DPP10: variants seen among roughly 807,000 people sequenced by gnomAD.
DPP10 encodes inactive dipeptidyl peptidase 10.
DPP10 carries 33 observed loss-of-function variants against 120.9 expected under a neutral mutation model. That is an observed-to-expected ratio of 0.27 (90% confidence interval 0.21 to 0.37). DPP10 has a LOEUF of 0.37. DPP10 is among the 10% of genes least tolerant of loss of function. The probability of loss-of-function intolerance (pLI) is 1.00; values close to 1 mark genes in which losing one functional copy is unlikely to be tolerated. For missense variants in DPP10, 816 were observed against 942.8 expected, an observed-to-expected ratio of 0.87 and a Z score of 1.76; for synonymous variants, 337 against 326.1, an observed-to-expected ratio of 1.03 and a Z score of -0.36.
At chr2:114,673,739 T>C (rs2105655156) in intron 1 of DPP10, among the ~76,000 whole-genome samples, 1 of 152,274 alleles carries the variant, frequency 6.6e-6, no homozygotes, top group South Asian at 2.1e-4. Context: ...TCATTACCTT[T>C]TTCTAAGTGT....
chr2:114,458,900 T>C (rs17048377), intron 1 of DPP10, among the ~76,000 whole-genome samples: 19,354 of 152,144 alleles, frequency 0.13, 2,947 homozygotes, highest in African/African-American at 0.37. Flanking sequence ...TATTGGGAAA[T>C]GTGTTATAAT....
chr2:114,609,440 G>A (rs1328883843), intron 1 of DPP10, among the ~76,000 whole-genome samples: 1 of 152,142 alleles, frequency 6.6e-6, no homozygotes, highest in Non-Finnish European at 1.5e-5. Flanking sequence ...GATGGGAGGT[G>A]AGAAGCAGGG....
At chr2:115,793,528 A>G (rs1684219129) in intron 19 of DPP10, among the ~76,000 whole-genome samples, 1 of 152,040 alleles carries the variant, frequency 6.6e-6, no homozygotes, top group African/African-American at 2.4e-5. Flanking sequence ...CCAACCTAAT[A>G]TGGATAATAG....
chr2:115,465,738 C>T (rs1370402599), intron 3 of DPP10, among the ~76,000 whole-genome samples: 1 of 152,168 alleles, frequency 6.6e-6, no homozygotes, highest in Non-Finnish European at 1.5e-5. Flanking sequence ...AGGAGAATCA[C>T]TTGAACCCAT....
intron 1 of DPP10, among the ~76,000 whole-genome samples, chr2:115,108,602 T>G (rs1272481143): frequency 6.6e-6 from 1 of 152,168 alleles, no homozygotes; most frequent in Non-Finnish European, 1.5e-5. Context: ...AAAACCTGTG[T>G]GGGGATCTAG....
At chr2:115,836,635 T>G in intron 23 of DPP10, 39 bp from the exon 24 acceptor site, 1 of 1,609,560 alleles carries the variant, frequency 6.2e-7, no homozygotes. Flanking sequence ...ATGGCTTATT[T>G]AGATCTATAG....
intron 1 of DPP10, among the ~76,000 whole-genome samples, chr2:114,983,316 T>G (rs1410411563): frequency 6.6e-6 from 1 of 152,218 alleles, no homozygotes; most frequent in Non-Finnish European, 1.5e-5. Flanking sequence ...TGTTTTATAA[T>G]TAAATGCCAT....
At chr2:114,897,469 AT>A (rs1693122760) in intron 1 of DPP10, among the ~76,000 whole-genome samples, 1 of 152,232 alleles carries the variant, frequency 6.6e-6, no homozygotes, top group African/African-American at 2.4e-5. Context: ...ACCAAAAGCA[AT>A]GGCAACAAAA....
Position 114,663,668 on chromosome 2 carries a change from T to TATATAGAGAGAGAGAGAGAGAG in DPP10, c.60+220831_60+220832insTATAGAGAGAGAGAGAGAGAGA. Reference sequence around the variant, plus strand: ...ATATATATATATATATATATATATATAGAGAGAGAGAGAGAGAGAGAGAGA... The same window carrying TATATAGAGAGAGAGAGAGAGAG: ...ATATATATATATATATATATATATATATATAGAGAGAGAGAGAGAGAGAGAGAGAGAGAGAGAGAGAGAGAGA... On this transcript the variant is annotated intron_variant, in intron 1 of 25. Transcript: ENST00000410059. 1.2e-3 allele frequency among the ~76,000 whole-genome samples: 98 copies of TATATAGAGAGAGAGAGAGAGAG among 80,676 alleles called. 1 individual carries two copies. The highest frequency in any genetic ancestry group is 5.8e-3 in the African/African-American group (62 of 10,618). 52.9% of individuals were successfully genotyped at this position (80,676 alleles called of 152,430 possible).
intron 1 of DPP10, among the ~76,000 whole-genome samples, chr2:115,050,755 C>G (rs1408849666): frequency 6.6e-6 from 1 of 152,138 alleles, no homozygotes; most frequent in Admixed American, 6.5e-5. Context: ...TCTGCGCTGG[C>G]AAGAAGTGAA....
chr2:115,622,112 C>A (rs2084995223), intron 5 of DPP10, among the ~76,000 whole-genome samples: 1 of 152,104 alleles, frequency 6.6e-6, no homozygotes, highest in Non-Finnish European at 1.5e-5. Flanking sequence ...TGTTATAGAA[C>A]ATTTTAACCA....
At chr2:115,268,248 G>A (rs2059542680) in intron 1 of DPP10, among the ~76,000 whole-genome samples, 1 of 152,112 alleles carries the variant, frequency 6.6e-6, no homozygotes, top group Non-Finnish European at 1.5e-5. Context: ...CACCAGAATA[G>A]GTGGGCAGTA....
At chr2:115,095,584 TG>T (rs67203998) in intron 1 of DPP10, among the ~76,000 whole-genome samples, 27,992 of 119,186 alleles carry the variant, frequency 0.23, 3,215 homozygotes, top group East Asian at 0.39. Context: ...GTTTTTTTTT[TG>T]TTTTTTTTTT....
At chr2:115,811,830 A>G (rs140482553) in intron 19 of DPP10, among the ~76,000 whole-genome samples, 182 of 152,318 alleles carry the variant, frequency 1.2e-3, no homozygotes, top group African/African-American at 4.1e-3. Flanking sequence ...TTACATAGCA[A>G]TTATGCTTTA....
chr2:115,090,459 G>C (rs921921280), intron 1 of DPP10, among the ~76,000 whole-genome samples: 2 of 152,092 alleles, frequency 1.3e-5, no homozygotes, highest in African/African-American at 2.4e-5. Flanking sequence ...ATTTGGGGAG[G>C]GGGGTGAGGG....
chr2:115,564,056 G>C (rs961019928), intron 5 of DPP10, among the ~76,000 whole-genome samples: 33 of 152,040 alleles, frequency 2.2e-4, no homozygotes, highest in South Asian at 2.1e-4. Context: ...CTCTCTCTCT[G>C]TGCCCCCTTC....
chr2:114,822,614 T>C (rs1357905799), intron 1 of DPP10, among the ~76,000 whole-genome samples: 1 of 152,140 alleles, frequency 6.6e-6, no homozygotes, highest in Non-Finnish European at 1.5e-5. Flanking sequence ...TTCCAAACTT[T>C]TTTTTTTTTA....
chr2:114,705,293 A>G lies in DPP10; in HGVS notation c.60+262455A>G, dbSNP rs149997011. Among the ~76,000 whole-genome samples, 417 of 152,258 alleles carry G rather than the reference A, an allele frequency of 2.7e-3. 6 individuals are homozygous for G. Among genetic ancestry groups the G allele is most frequent in the Non-Finnish European group, 1.3e-3 (90 of 68,022 alleles). On this transcript the variant is annotated intron_variant, in intron 1 of 25. Coordinates refer to ENST00000410059, the MANE Select transcript of DPP10 (RefSeq NM_020868.6). ...CCAGTACCTTTTAAATAGCCTTGTTATACTGGATGTACTATAAATTTATCT... is the reference window on the plus strand; with the variant it reads ...CCAGTACCTTTTAAATAGCCTTGTTGTACTGGATGTACTATAAATTTATCT...
intron 1 of DPP10, among the ~76,000 whole-genome samples, chr2:114,779,864 C>T (rs1410090832): frequency 1.3e-5 from 2 of 151,812 alleles, no homozygotes; most frequent in Non-Finnish European, 2.9e-5. Context: ...GGGCTGAGCA[C>T]GGTGGCTCAC....
Sources: gnomAD v4.1 joint callset for allele counts (sites outside exome capture counted in the v4.1 genomes callset) on GRCh38, gnomAD v4.1.1 for gene constraint, MANE v1.5 for transcripts, NCBI Gene and HGNC (gene_info 2026-07-23, HGNC 2026-07-21) for gene names.